Variants in CP observed in about 807,000 individuals in gnomAD.
CP encodes ceruloplasmin, also known as caeruloplasmin.
In CP, 64 loss-of-function variants were observed where a neutral mutation model predicts 122.4. That is an observed-to-expected ratio of 0.52 (90% CI 0.43 to 0.64). The LOEUF (loss-of-function observed/expected upper bound fraction) is 0.64. CP is among the 30% of genes least tolerant of loss of function. The probability of loss-of-function intolerance (pLI) is 0.00; values close to 1 mark genes in which losing one functional copy is unlikely to be tolerated. For synonymous variants in CP, 440 were observed against 436.4 expected (o/e 1.01, Z -0.10); for missense variants, 1,167 against 1,284.4 (o/e 0.91, Z 1.40).
intron 9 of CP, among the ~76,000 whole-genome samples, chr3:149,192,846 T>C (rs1385609489): frequency 6.6e-6 from 1 of 152,150 alleles, no homozygotes; most frequent in African/African-American, 2.4e-5. Flanking sequence ...AATTGACCTA[T>C]GCCGTTTGTA....
At chr3:149,181,976 A>ACCCCCCCCCCCCCCC in intron 14 of CP, 29 bp downstream of exon 14, 2 of 561,806 alleles carry the variant, frequency 3.6e-6, no homozygotes, top group South Asian at 1.4e-5. Context: ...GTTAAAATGC[A>ACCCCCCCCCCCCCCC]CCACCCCCAC....
At position 149,182,117 on chromosome 3, in the gene CP, T is replaced by C. The variant is rs762942794; in HGVS notation, c.2442A>G (p.Ala814=). Residue 814 remains alanine, a synonymous_variant, in exon 14 of 19, where the codon GCA becomes GCG. Transcript: ENST00000264613. ...HLGILGPQLH[A]DVGDKVKIIF... ...TAATTTTGACTTTGTCTCCAACATC[T>C]GCATGAAGTTGTGGACCTGGCAAAA... The C allele has an allele frequency of 8.1e-6, 13 of 1,613,810 alleles. No individual in the cohort carries two copies. The highest frequency in any genetic ancestry group is 1.1e-5 in the Non-Finnish European group (13 of 1,179,758).
intron 10 of CP, 144 bp downstream of exon 10, chr3:149,187,908 G>T: frequency 1.2e-6 from 1 of 817,144 alleles, no homozygotes; most frequent in Non-Finnish European, 2.0e-6. Context: ...CAAATAACCA[G>T]TGAGATTACC....
intron 14 of CP, among the ~76,000 whole-genome samples, chr3:149,180,462 C>T (rs577517777): frequency 6.6e-6 from 1 of 152,256 alleles, no homozygotes; most frequent in East Asian, 1.9e-4. Flanking sequence ...TGCTCACAGG[C>T]CTCAACTTTT....
intron 6 of CP, among the ~76,000 whole-genome samples, chr3:149,203,238 T>C (rs191752041): frequency 8.0e-4 from 121 of 152,168 alleles, no homozygotes; most frequent in Non-Finnish European, 1.6e-3. Flanking sequence ...GTATTAGCAC[T>C]GGCCAGCTGC....
At position 149,210,684 on chromosome 3, in the gene CP, T is replaced by G. The variant is rs1018348736; in HGVS notation, c.395-305A>C. Among the ~76,000 whole-genome samples, 6 of 152,292 alleles carry G rather than the reference T, an allele frequency of 3.9e-5. 1 individual carries two copies. The highest frequency in any genetic ancestry group is 1.3e-4 in the Admixed American group (2 of 15,296). On this transcript the variant is annotated intron_variant, in intron 2 of 18. Coordinates refer to ENST00000264613, the MANE Select transcript of CP (RefSeq NM_000096.4). ...GAGTCTGAGCAAAAAGGCTACCCTC[T>G]TCTAAATTCAAAACTTCTTATATGA...
downstream of CP, among the ~76,000 whole-genome samples, chr3:149,171,854 G>A (rs35796314): frequency 0.036 from 5,402 of 151,974 alleles, 251 homozygotes; most frequent in African/African-American, 0.11. Flanking sequence ...ACAGGTGTGC[G>A]CCACCATGCC....
chr3:149,200,868 A>C (rs527531330), intron 7 of CP, among the ~76,000 whole-genome samples: 1 of 152,230 alleles, frequency 6.6e-6, no homozygotes, highest in South Asian at 2.1e-4. Context: ...CTCACAAAAA[A>C]ACAGCTTTTT....
chr3:149,176,329 T>C lies in CP; in HGVS notation c.3102A>G (p.Gly1034=). 1 of 1,613,536 alleles carries C rather than the reference T, an allele frequency of 6.2e-7. No homozygotes were observed. Among genetic ancestry groups the C allele is most frequent in the Non-Finnish European group, 8.5e-7 (1 of 1,179,612 alleles). The stretch of plus-strand genomic sequence containing the variant: ...TCACATGGCAGTGGAGTAACCAAAT[T>C]CCAGGTGTTCTTGGAAACATTTCTA... The part of the protein sequence containing the change: ...QTLEMFPRTP[G]IWLLHCHVTD... The change falls in exon 18 of 19, where the codon GGA becomes GGG. Residue 1034 remains glycine (G), a synonymous_variant. Coordinates refer to ENST00000264613, the MANE Select transcript of CP (RefSeq NM_000096.4).
In CP at chr3:149,198,558, G is replaced by A. The variant is rs1017783394; in HGVS notation, c.1522C>T (p.His508Tyr). Reference protein sequence around the residue: ...QSRSVPPSASHVAPTETFTYE... With the variant: ...QSRSVPPSASYVAPTETFTYE... The stretch of plus-strand genomic sequence containing the variant: ...GTGAATGTTTCTGTGGGTGCCACAT[G>A]GGAGGCTGAAGGAGGCACACCTGTG... Residue 508 changes from histidine (H) to tyrosine (Y), a missense_variant, in exon 9 of 19, where the codon CAT becomes TAT. This residue lies in a region of CP where 642 missense variants were observed against 627.3 expected (regional missense o/e 1.02). Coordinates refer to ENST00000264613, the MANE Select transcript of CP (RefSeq NM_000096.4). The A allele has an allele frequency of 1.9e-6, 3 of 1,613,940 alleles. No individual in the cohort carries two copies. Among genetic ancestry groups the A allele is most frequent in the Non-Finnish European group, 2.5e-6 (3 of 1,179,880 alleles).
chr3:149,201,752 C>T (rs1273913378), intron 7 of CP, among the ~76,000 whole-genome samples: 3 of 152,044 alleles, frequency 2.0e-5, no homozygotes, highest in Admixed American at 2.0e-4. Context: ...CGTGCCACCA[C>T]GCCCTGCTAA....
chr3:149,183,376 A>T, intron 13 of CP, 90 bp downstream of exon 13: 3 of 1,404,576 alleles, frequency 2.1e-6, no homozygotes, highest in Non-Finnish European at 2.0e-6. Context: ...ATGAACCAAG[A>T]AAATGAAACC....
intron 15 of CP, among the ~76,000 whole-genome samples, chr3:149,179,252 G>A (rs1725627482): frequency 6.6e-6 from 1 of 152,048 alleles, no homozygotes; most frequent in Non-Finnish European, 1.5e-5. Context: ...CAGAATGAAG[G>A]ATCTGAAATG....
At chr3:149,209,605 G>C (rs1727972291) in intron 3 of CP, among the ~76,000 whole-genome samples, 1 of 152,102 alleles carries the variant, frequency 6.6e-6, no homozygotes, top group African/African-American at 2.4e-5. Context: ...GATGTCCACT[G>C]ACCACATAAC....
chr3:149,169,327 C>T (rs1724751407), downstream of CP, among the ~76,000 whole-genome samples: 2 of 152,120 alleles, frequency 1.3e-5, no homozygotes, highest in Admixed American at 6.5e-5. Flanking sequence ...GAACTGAGTT[C>T]CAGGTTTGCC....
Position 149,178,495 on chromosome 3 carries a change from T to G in CP, c.2798A>C (p.Asp933Ala), listed in dbSNP as rs758103380. The change falls in exon 16 of 19, where the codon GAC (aspartate) becomes GCC (alanine). Residue 933 changes from aspartate (D) to alanine (A), a missense_variant. Asp to Ala is a moderately radical substitution (Grantham distance 126, BLOSUM62 -2). This residue lies in a region of CP where 525 missense variants were observed against 657.2 expected (regional missense o/e 0.80). Coordinates refer to ENST00000264613, the MANE Select transcript of CP (RefSeq NM_000096.4). ...FDENESWYLD[D>A]NIKTYSDHPE... Reference sequence around the variant, plus strand: ...GTGATCAGAGTATGTTTTGATGTTGTCATCTAAGTACCAAGATTCATTCTC... The same window carrying G: ...GTGATCAGAGTATGTTTTGATGTTGGCATCTAAGTACCAAGATTCATTCTC... 1.2e-6 allele frequency: 2 copies of G among 1,613,484 alleles called. No homozygotes were observed. The highest frequency in any genetic ancestry group is 8.5e-7 in the Non-Finnish European group (1 of 1,179,448).
rs772557991 is a variant in CP at position 149,202,082 on chromosome 3, T to C, written c.1348+20A>G. The C allele has an allele frequency of 3.7e-6, 6 of 1,613,952 alleles. No homozygotes were observed. The highest frequency in any genetic ancestry group is 4.2e-6 in the Non-Finnish European group (5 of 1,179,854). On this transcript the variant is annotated intron_variant, in intron 7 of 18. Transcript: ENST00000264613. ...CCATGGGAAGAGTAAACCAGCCATA[T>C]ATATTCTGCAAGAACTCACCCAGGA...
chr3:149,198,938 G>A (rs1267971451), intron 8 of CP, among the ~76,000 whole-genome samples: 1 of 152,180 alleles, frequency 6.6e-6, no homozygotes, highest in Non-Finnish European at 1.5e-5. Context: ...GCAATACAGT[G>A]AAATCGATGC....
In CP at chr3:149,167,250, T is replaced by C; in HGVS notation, c.587-1200A>G. Reference sequence around the variant, plus strand: ...GAAAGAAGAGAACCGGGTATGCTTTTTCAGATTATGTTTTTAGGCTTGATC... The same window carrying C: ...GAAAGAAGAGAACCGGGTATGCTTTCTCAGATTATGTTTTTAGGCTTGATC... On this transcript the variant is annotated intron_variant, in intron 4 of 5. Transcript: ENST00000479771. 1.2e-6 allele frequency: 2 copies of C among 1,603,704 alleles called. No homozygotes were observed. Among genetic ancestry groups the C allele is most frequent in the Non-Finnish European group, 1.7e-6 (2 of 1,173,092 alleles).
Sources: allele counts gnomAD v4.1 joint callset (sites outside exome capture counted in the v4.1 genomes callset), GRCh38; gene constraint gnomAD v4.1.1; regional missense constraint gnomAD v4.1.1; transcripts MANE v1.5; gene names NCBI Gene and HGNC (gene_info 2026-07-23, HGNC 2026-07-21).